Variants in SLC37A3 observed in about 807,000 individuals in gnomAD.
SLC37A3 encodes solute carrier family 37 member 3, also known as sugar phosphate exchanger 3.
In SLC37A3, 51 loss-of-function variants were observed where a neutral mutation model predicts 67.1. The ratio of observed to expected loss-of-function variants is 0.76; its 90% CI spans 0.61 to 0.96. SLC37A3 has a LOEUF of 0.96. Among genes scored for constraint, SLC37A3 ranks in the 40% least tolerant of loss-of-function variants. The pLI is 0.00. For missense variants in SLC37A3, 508 were observed against 603.0 expected, an observed-to-expected ratio of 0.84 and a Z score of 1.65; for synonymous variants, 214 against 231.4, an observed-to-expected ratio of 0.92 and a Z score of 0.68.
intron 7 of SLC37A3, 145 bp from the exon 8 acceptor site, chr7:140,352,291 C>G (rs539838413): frequency 1.5e-6 from 1 of 672,466 alleles, no homozygotes; most frequent in South Asian, 1.9e-5. Flanking sequence ...AGAGCTTCTA[C>G]TGGGCCGGGC....
chr7:140,347,769 A>AAC (rs890350310), intron 10 of SLC37A3, among the ~76,000 whole-genome samples: 3 of 151,974 alleles, frequency 2.0e-5, no homozygotes, highest in African/African-American at 7.3e-5. Context: ...AAAAAAAAAA[A>AAC]AAACCACTAT....
chr7:140,341,179 T>C (rs1049044171), intron 13 of SLC37A3, among the ~76,000 whole-genome samples: 2 of 152,172 alleles, frequency 1.3e-5, no homozygotes, highest in African/African-American at 4.8e-5. Flanking sequence ...GTAATTCTCC[T>C]GCCTTGGCCT....
At chr7:140,351,857 G>A in intron 8 of SLC37A3, 1 of 666,132 alleles carries the variant, frequency 1.5e-6, no homozygotes, top group East Asian at 2.7e-5. Context: ...TAAAAGACGT[G>A]CATCACTCCC....
At chr7:140,378,952 C>A (rs1053625633) in intron 3 of SLC37A3, among the ~76,000 whole-genome samples, 1 of 151,982 alleles carries the variant, frequency 6.6e-6, no homozygotes, top group African/African-American at 2.4e-5. Context: ...GAGGCTGAGG[C>A]AGGAGAATCG....
chr7:140,348,827 T>A (rs978162581), intron 9 of SLC37A3, 60 bp from the exon 10 acceptor site: 1 of 1,578,350 alleles, frequency 6.3e-7, no homozygotes, highest in South Asian at 1.2e-5. Flanking sequence ...ACTACCATTT[T>A]TAATGTCATT....
intron 14 of SLC37A3, 44 bp from the exon 15 acceptor site, chr7:140,335,548 TC>T: frequency 6.3e-7 from 1 of 1,596,092 alleles, no homozygotes; most frequent in Admixed American, 1.7e-5. Flanking sequence ...ACAGTTTACT[TC>T]TGTTAGAGTG....
intron 3 of SLC37A3, chr7:140,379,582 GAA>G (rs1380676519): frequency 1.3e-5 from 2 of 152,002 alleles, no homozygotes; most frequent in Non-Finnish European, 2.9e-5. Context: ...CAGAAGTTGG[GAA>G]AAAACTTGAT....
chr7:140,335,521 G>A lies in SLC37A3; in HGVS notation c.1393-17C>T, dbSNP rs751767906. 6.2e-7 allele frequency: 1 copy of A among 1,609,282 alleles called. No homozygotes were observed. The highest frequency in any genetic ancestry group is 2.2e-5 in the East Asian group (1 of 44,862). ...ACAACTTGTCTGTAAAGAGAAAATA[G>A]TATTAAATATGCAGCAACAGTTTAC... On this transcript the variant is annotated splice_polypyrimidine_tract_variant and intron_variant, in intron 14 of 14. Coordinates refer to ENST00000326232, the MANE Select transcript of SLC37A3 (RefSeq NM_207113.3).
At chr7:140,351,059 T>C (rs187770063) in intron 9 of SLC37A3, among the ~76,000 whole-genome samples, 25 of 152,308 alleles carry the variant, frequency 1.6e-4, no homozygotes, top group African/African-American at 6.0e-4. Flanking sequence ...GTCAAAAATA[T>C]TTATTCTCTG....
chr7:140,392,465 T>A (rs1798759666), intron 1 of SLC37A3, among the ~76,000 whole-genome samples: 1 of 152,156 alleles, frequency 6.6e-6, no homozygotes, highest in Non-Finnish European at 1.5e-5. Flanking sequence ...CTGGTCCTCT[T>A]CACCGCCACC....
chr7:140,390,949 C>T (rs746874595), intron 1 of SLC37A3, among the ~76,000 whole-genome samples: 4 of 152,152 alleles, frequency 2.6e-5, no homozygotes, highest in Non-Finnish European at 4.4e-5. Flanking sequence ...CTGTCCTCCT[C>T]CTTCCCTGCA....
At chr7:140,337,117 A>AAAAAAG (rs1554416978) in intron 14 of SLC37A3, among the ~76,000 whole-genome samples, 167 bp downstream of exon 14, 4 of 145,284 alleles carry the variant, frequency 2.8e-5, no homozygotes, top group African/African-American at 1.1e-4. Context: ...AAAAAAAAAA[A>AAAAAAG]AAGAAGAAGA....
chr7:140,396,843 C>T (rs1798945225), intron 1 of SLC37A3, among the ~76,000 whole-genome samples: 1 of 151,666 alleles, frequency 6.6e-6, no homozygotes, highest in Non-Finnish European at 1.5e-5. Flanking sequence ...GAATCTAAGA[C>T]CCTCCACTTA....
At position 140,342,095 on chromosome 7, in the gene SLC37A3, C is replaced by T. The variant is rs143075461; in HGVS notation, c.1326+1317G>A. 9.9e-4 allele frequency among the ~76,000 whole-genome samples: 150 copies of T among 152,268 alleles called. 2 individuals carry two copies. The South Asian group carries it at 0.014, about 14-fold the overall frequency. On this transcript the variant is annotated intron_variant, in intron 13 of 14. Coordinates refer to ENST00000326232, the MANE Select transcript of SLC37A3 (RefSeq NM_207113.3). The stretch of plus-strand genomic sequence containing the variant: ...TCTAGGTACTAAGGTGACAGAAGAA[C>T]ATACAACAAAATGCTGCGCTCAGGA...
chr7:140,360,954 G>A (rs1278343027), intron 5 of SLC37A3, among the ~76,000 whole-genome samples: 3 of 151,930 alleles, frequency 2.0e-5, no homozygotes, highest in Non-Finnish European at 4.4e-5. Flanking sequence ...TTTAACCACT[G>A]CATACCCACC....
intron 6 of SLC37A3, among the ~76,000 whole-genome samples, chr7:140,355,966 G>A (rs1204435652): frequency 2.6e-5 from 4 of 152,054 alleles, no homozygotes; most frequent in South Asian, 2.1e-4. Context: ...AGGCCAAGGC[G>A]GACAGATCAC....
chr7:140,337,793 T>C (rs1376325458), intron 13 of SLC37A3: 2 of 153,108 alleles, frequency 1.3e-5, no homozygotes, highest in Non-Finnish European at 2.9e-5. Flanking sequence ...TTTATTTTAC[T>C]TTCAATTACT....
chr7:140,355,858 A>G, intron 6 of SLC37A3, 94 bp from the exon 7 acceptor site: 6 of 1,022,338 alleles, frequency 5.9e-6, no homozygotes, highest in Non-Finnish European at 9.1e-6. Flanking sequence ...ACCAAGGTGC[A>G]TACTACCAAG....
At chr7:140,380,248 A>C (rs749766262) in intron 3 of SLC37A3, 34 bp downstream of exon 3, 2 of 1,387,280 alleles carry the variant, frequency 1.4e-6, no homozygotes, top group African/African-American at 1.4e-5. Context: ...ACGGTCTCCT[A>C]CTTCGATCCA....
Sources: gnomAD v4.1 joint callset for allele counts (sites outside exome capture counted in the v4.1 genomes callset) on GRCh38, gnomAD v4.1.1 for gene constraint, MANE v1.5 for transcripts, NCBI Gene and HGNC (gene_info 2026-07-23, HGNC 2026-07-21) for gene names.